The following OCRL variants were observed in gnomAD, a reference collection of about 807,000 sequenced individuals.
The protein encoded by OCRL is inositol polyphosphate 5-phosphatase OCRL.
A neutral mutation model predicts 78.9 loss-of-function variants in OCRL; 8 were observed. The ratio of observed to expected loss-of-function variants is 0.10; its 90% confidence interval spans 0.06 to 0.18. The LOEUF (loss-of-function observed/expected upper bound fraction) is 0.18, where lower values mean the gene tolerates loss of function less well. OCRL is among the 10% of genes least tolerant of loss of function. The pLI, the probability that OCRL is intolerant of heterozygous loss-of-function variation, is 1.00. For missense variants in OCRL, 454 were observed against 696.7 expected (o/e 0.65, Z 3.92); for synonymous variants, 240 against 235.4 (o/e 1.02, Z -0.18).
chrX:129,588,344 G>A lies in OCRL; in HGVS notation c.2341+81G>A, dbSNP rs1169857844. ...TTCGCACCTATATTTGATTTTTGTG[G>A]TTCTATATTTATTTTCTTTGTAATA... is the stretch of plus-strand genomic sequence containing the variant. On this transcript the variant is annotated intron_variant, in intron 21 of 23. Transcript: ENST00000371113. 4 of 682,623 alleles carry A rather than the reference G, an allele frequency of 5.9e-6. No individual in the cohort carries two copies. The African/African-American group carries it at 6.4e-5, about 11-fold the overall frequency. 56.3% of individuals were successfully genotyped at this position (682,623 alleles called of 1,213,427 possible). A position where few individuals can be genotyped will look rare whatever the true frequency, so the allele number is the denominator to read the frequency against.
At chrX:129,564,150 G>A (rs1290915825) in intron 12 of OCRL, among the ~76,000 whole-genome samples, 1 of 111,269 alleles carries the variant, frequency 9.0e-6, no homozygotes, top group Non-Finnish European at 1.9e-5. Context: ...TCAGAGAAAC[G>A]CAAATCAAAA....
At chrX:129,567,478 A>C (rs1204535349) in intron 14 of OCRL, 115 bp downstream of exon 14, 2 of 507,443 alleles carry the variant, frequency 3.9e-6, no homozygotes, top group Non-Finnish European at 7.0e-6. Context: ...AGATATATAA[A>C]CCTAATGGCT....
Position 129,560,490 on chromosome X carries a change from A to C in OCRL, c.723-60A>C, listed in dbSNP as rs3761583. ...CTTTGTATGGAAGCGAAAAGAAAGA[A>C]CTTCTGTTGGTTTATACTTGATCTT... is the stretch of plus-strand genomic sequence containing the variant. On this transcript the variant is annotated intron_variant, in intron 8 of 23. Transcript: ENST00000371113. 0.11 allele frequency: 81,318 copies of C among 751,479 alleles called. 13,750 individuals carry two copies. The highest frequency in any genetic ancestry group is 0.75 in the East Asian group (22,391 of 30,048). The allele number at this position is 751,479 out of a possible 1,213,427, so 61.9% of individuals were successfully genotyped here.
intron 22 of OCRL, 82 bp downstream of exon 22, chrX:129,589,095 G>A: frequency 9.2e-7 from 1 of 1,083,028 alleles, no homozygotes; most frequent in Non-Finnish European, 1.3e-6. Context: ...CAGATAGGCA[G>A]CCAGCTGTCT....
chrX:129,580,725 G>GT (rs755247874), intron 18 of OCRL, among the ~76,000 whole-genome samples: 2 of 111,872 alleles, frequency 1.8e-5, no homozygotes, highest in Admixed American at 1.9e-4. Context: ...TGTCCGTAGT[G>GT]TTTTTTTCAC....
At chrX:129,575,508 T>C in intron 16 of OCRL, 1 of 393,110 alleles carries the variant, frequency 2.5e-6, no homozygotes, top group Non-Finnish European at 4.4e-6. Context: ...TGCAAAGCTC[T>C]CAGAACAGCA....
chrX:129,576,206 C>G (rs1372321100), intron 17 of OCRL, 111 bp from the exon 18 acceptor site: 3 of 915,110 alleles, frequency 3.3e-6, no homozygotes, highest in East Asian at 3.1e-5. Context: ...TCTCTTCCCC[C>G]TCATTGCTTA....
Position 129,565,839 on chromosome X carries a change from C to T in OCRL, c.1312C>T (p.Leu438Phe). Residue 438 changes from leucine (L) to phenylalanine (F), a missense_variant, in exon 13 of 24, where the codon CTT becomes TTT. Leu to Phe is a conservative substitution (Grantham distance 22). This residue lies in a region of OCRL where 277 missense variants were observed against 517.1 expected (regional missense o/e 0.54). Coordinates refer to ENST00000371113, the MANE Select transcript of OCRL (RefSeq NM_000276.4). ...CMPDANEVKS[L>F]INKKDLQRLL... is the part of the protein sequence containing the mutation. ...GCCTGATGCCAATGAGGTGAAAAGT[C>T]TTATTAATAAGAAAGACCTTCAGAG... The T allele has an allele frequency of 8.3e-7, 1 of 1,206,941 alleles. No individual in the cohort carries two copies. The highest frequency in any genetic ancestry group is 1.1e-6 in the Non-Finnish European group (1 of 891,646).
Position 129,576,517 on chromosome X carries a change from A to G in OCRL, c.2080A>G (p.Ile694Val). Residue 694 changes from isoleucine to valine, a missense_variant, in exon 18 of 24, where the codon ATC becomes GTC. By Grantham distance (29) the Ile-to-Val change is conservative. Coordinates refer to ENST00000371113, the MANE Select transcript of OCRL (RefSeq NM_000276.4). ...LEALCRMKRP[I>V]REVPVTKLID... ...GGCTCTGTGCCGTATGAAAAGACCA[A>G]TCCGAGAAGTTCCTGTTACCAAACT... The G allele has an allele frequency of 1.7e-6, 2 of 1,209,773 alleles. No individual in the cohort carries two copies. Among genetic ancestry groups the G allele is most frequent in the Non-Finnish European group, 2.2e-6 (2 of 893,636 alleles).
intron 23 of OCRL, 27 bp downstream of exon 23, chrX:129,589,983 C>T (rs781488934): frequency 4.4e-6 from 5 of 1,146,153 alleles, no homozygotes. Flanking sequence ...CAACACGGGG[C>T]GTTTGTTGAG....
chrX:129,563,663 A>C (rs1029517703), intron 12 of OCRL, among the ~76,000 whole-genome samples: 1 of 111,728 alleles, frequency 9.0e-6, no homozygotes, highest in African/African-American at 3.3e-5. Flanking sequence ...GAGGTCAGTG[A>C]AGAATGGGAT....
Position 129,591,524 on chromosome X carries a change from A to G in OCRL, c.*1254A>G, listed in dbSNP as rs1936587047. ...AAAATAAATTAATCTATATTGGTTG[A>G]CAAACAAGCCACCAACCACTGACTG... is the stretch of plus-strand genomic sequence containing the variant. On this transcript the variant is annotated 3_prime_UTR_variant, in exon 24 of 24. Coordinates refer to ENST00000371113, the MANE Select transcript of OCRL (RefSeq NM_000276.4). 8.9e-6 allele frequency: 1 copy of G among 112,289 alleles called. No individual in the cohort carries two copies. The highest frequency in any genetic ancestry group is 3.3e-5 in the African/African-American group (1 of 30,762). The allele number at this position is 112,289 out of a possible 1,213,427, so 9.3% of individuals were successfully genotyped here.
At chrX:129,561,151 A>G (rs200473664) in intron 9 of OCRL, 28 bp from the exon 10 acceptor site, 595 of 918,624 alleles carry the variant, frequency 6.5e-4, no homozygotes, top group Non-Finnish European at 9.0e-4. Flanking sequence ...TGGGATATGT[A>G]TAGATCTCAT....
Position 129,572,675 on chromosome X carries a change from C to T in OCRL, c.1603-2465C>T, listed in dbSNP as rs775858980. Among the ~76,000 whole-genome samples the T allele has an allele frequency of 4.5e-5, 5 of 112,240 alleles. No individual in the cohort carries two copies. In the East Asian group the frequency reaches 1.4e-3, roughly 31 times the overall value. On this transcript the variant is annotated intron_variant, in intron 15 of 23. Transcript: ENST00000371113. ...GAGCTAGGATAGGGTTCCAACCCTG[C>T]ACTTGGTACTGTGATCTGTTGCATT...
At chrX:129,545,093 C>T in intron 3 of OCRL, 56 bp downstream of exon 3, 2 of 635,022 alleles carry the variant, frequency 3.1e-6, no homozygotes. Context: ...GTCATTACTG[C>T]ATTATGTAAT....
intron 17 of OCRL, 114 bp from the exon 18 acceptor site, chrX:129,576,203 C>A: frequency 1.1e-6 from 1 of 899,376 alleles, no homozygotes. Context: ...CTGTCTCTTC[C>A]CCCTCATTGC....
chrX:129,571,921 G>A (rs752843465), intron 15 of OCRL, among the ~76,000 whole-genome samples: 1 of 111,143 alleles, frequency 9.0e-6, no homozygotes, highest in African/African-American at 3.3e-5. Context: ...CTACCCTTAG[G>A]AGTTTATATC....
chrX:129,565,823 C>T lies in OCRL; in HGVS notation c.1296C>T (p.Ala432=), dbSNP rs909427796. ...ATTATAGACTTTGCATGCCTGATGC[C>T]AATGAGGTGAAAAGTCTTATTAATA... ...DLNYRLCMPD[A]NEVKSLINKK... is the part of the protein sequence containing the mutation. The change falls in exon 13 of 24, where the codon GCC becomes GCT. Residue 432 remains alanine, a synonymous_variant. Transcript: ENST00000371113. 1 of 1,208,865 alleles carries T rather than the reference C, an allele frequency of 8.3e-7. No individual in the cohort carries two copies. Among genetic ancestry groups the T allele is most frequent in the Admixed American group, 2.2e-5 (1 of 45,953 alleles).
chrX:129,565,971 G>A, intron 13 of OCRL, 88 bp downstream of exon 13: 2 of 618,142 alleles, frequency 3.2e-6, no homozygotes. Context: ...TCTAGGGAGT[G>A]ATGGAAACGT....
Sources: gnomAD v4.1 joint callset for allele counts (sites outside exome capture counted in the v4.1 genomes callset) on GRCh38, gnomAD v4.1.1 for gene constraint, gnomAD v4.1.1 regional missense constraint, MANE v1.5 for transcripts, NCBI Gene and HGNC (gene_info 2026-07-23, HGNC 2026-07-21) for gene names.